KCNMA1: variants seen among roughly 807,000 people sequenced by gnomAD.
The protein encoded by KCNMA1 is potassium calcium-activated channel subfamily M alpha 1.
In KCNMA1, 29 loss-of-function variants were observed where a neutral mutation model predicts 140.0. The observed-to-expected ratio is 0.21, with a 90% CI of 0.15 to 0.28. The LOEUF is 0.28. Ranked by LOEUF, KCNMA1 falls within the 10% of genes least tolerant of loss-of-function variation. KCNMA1 has a pLI of 1.00. For synonymous variants in KCNMA1, 612 were observed against 611.9 expected (o/e 1.00, Z 0.00); for missense variants, 880 against 1,602.2 (o/e 0.55, Z 7.70).
At chr10:77,086,938 T>A (rs2096706745) in intron 10 of KCNMA1, among the ~76,000 whole-genome samples, 1 of 152,228 alleles carries the variant, frequency 6.6e-6, no homozygotes, top group South Asian at 2.1e-4. Flanking sequence ...ATGCGGACTG[T>A]GCCAGAGGGT....
chr10:77,152,422 G>A (rs1414249575), intron 5 of KCNMA1, among the ~76,000 whole-genome samples: 1 of 152,038 alleles, frequency 6.6e-6, no homozygotes, highest in East Asian at 1.9e-4. Context: ...GTGATCTCAG[G>A]AAACACCAGT....
intron 9 of KCNMA1, chr10:77,091,213 A>T (rs879812167): frequency 6.5e-6 from 1 of 153,130 alleles, no homozygotes; most frequent in Non-Finnish European, 1.5e-5. Context: ...CTGCTTCCTT[A>T]GGGTGCCCGG....
At chr10:77,525,098 T>C (rs906484086) in intron 1 of KCNMA1, among the ~76,000 whole-genome samples, 2 of 152,220 alleles carry the variant, frequency 1.3e-5, no homozygotes, top group African/African-American at 4.8e-5. Context: ...ATATCTACCA[T>C]GACTTAATTT....
chr10:77,237,012 A>T (rs2055738972), intron 3 of KCNMA1, among the ~76,000 whole-genome samples: 1 of 152,226 alleles, frequency 6.6e-6, no homozygotes, highest in Non-Finnish European at 1.5e-5. Context: ...TGCAGTTTTC[A>T]GAAGCACAGG....
Position 77,379,580 on chromosome 10 carries a change from G to C in KCNMA1, c.540+24282C>G, listed in dbSNP as rs1331247263. Among the ~76,000 whole-genome samples, 4 of 151,024 alleles carry C rather than the reference G, an allele frequency of 2.6e-5. No individual in the cohort carries two copies. The Admixed American group carries it at 2.7e-4, about 10-fold the overall frequency. On this transcript the variant is annotated intron_variant, in intron 2 of 27. Coordinates refer to ENST00000286628, the MANE Select transcript of KCNMA1 (RefSeq NM_001161352.2). ...AAATCAGACATATGTAGGCAGAAAA[G>C]AAAACAATCAAACAAACAACAATAA...
chr10:77,547,417 C>T (rs539259466), intron 1 of KCNMA1, among the ~76,000 whole-genome samples: 24 of 152,270 alleles, frequency 1.6e-4, no homozygotes, highest in African/African-American at 5.5e-4. Context: ...AGACAGCCCT[C>T]GCCTTTCATT....
At chr10:77,497,733 A>G (rs1019204314) in intron 1 of KCNMA1, among the ~76,000 whole-genome samples, 4 of 152,226 alleles carry the variant, frequency 2.6e-5, no homozygotes, top group African/African-American at 9.6e-5. Flanking sequence ...TATCAAATCC[A>G]GTGCTCCCAG....
intron 14 of KCNMA1, among the ~76,000 whole-genome samples, chr10:77,047,948 T>C (rs2153614670): frequency 6.6e-6 from 1 of 152,174 alleles, no homozygotes; most frequent in South Asian, 2.1e-4. Context: ...GACCAGGGTT[T>C]AGCTTTTATT....
chr10:77,544,917 T>A (rs1341437971), intron 1 of KCNMA1, among the ~76,000 whole-genome samples: 3 of 152,192 alleles, frequency 2.0e-5, no homozygotes, highest in African/African-American at 7.2e-5. Flanking sequence ...TCCCCTTCCA[T>A]AAGCATTGTC....
At chr10:77,477,742 G>A (rs1451131101) in intron 1 of KCNMA1, among the ~76,000 whole-genome samples, 1 of 152,218 alleles carries the variant, frequency 6.6e-6, no homozygotes, top group Non-Finnish European at 1.5e-5. Flanking sequence ...GGTGAGCTGA[G>A]TATTGGTCAA....
intron 5 of KCNMA1, among the ~76,000 whole-genome samples, chr10:77,148,715 G>A (rs1349390987): frequency 2.6e-5 from 4 of 152,134 alleles, no homozygotes; most frequent in Admixed American, 6.5e-5. Flanking sequence ...TGCTCAATGC[G>A]GCCATTGGAG....
chr10:77,346,513 T>C (rs2092164472), intron 2 of KCNMA1, among the ~76,000 whole-genome samples: 1 of 152,152 alleles, frequency 6.6e-6, no homozygotes, highest in African/African-American at 2.4e-5. Flanking sequence ...ATATGGAAAA[T>C]TCAGATTAGA....
chr10:77,271,256 T>A (rs1158061612), intron 2 of KCNMA1, among the ~76,000 whole-genome samples: 1 of 152,228 alleles, frequency 6.6e-6, no homozygotes, highest in East Asian at 1.9e-4. Flanking sequence ...AATGGGCACA[T>A]GTTGCAAGTG....
intron 1 of KCNMA1, among the ~76,000 whole-genome samples, chr10:77,469,635 A>G (rs1346408593): frequency 1.3e-5 from 2 of 152,178 alleles, no homozygotes; most frequent in African/African-American, 4.8e-5. Context: ...CCACAAGCCC[A>G]GAAGTGTGGC....
chr10:77,439,140 GAGAAGAGAAA>G (rs1363296324), intron 1 of KCNMA1, among the ~76,000 whole-genome samples: 79 of 140,288 alleles, frequency 5.6e-4, no homozygotes, highest in African/African-American at 2.0e-3. Flanking sequence ...GAGAAGAGAA[GAGAAGAGAAA>G]AGAGAAGAGA....
chr10:77,504,653 A>G (rs557280015), intron 1 of KCNMA1, among the ~76,000 whole-genome samples: 1 of 152,212 alleles, frequency 6.6e-6, no homozygotes, highest in African/African-American at 2.4e-5. Context: ...GCAGTAGTGC[A>G]ATCATAGCTC....
At chr10:77,560,608 G>A (rs1293287605) in intron 1 of KCNMA1, among the ~76,000 whole-genome samples, 3 of 152,164 alleles carry the variant, frequency 2.0e-5, no homozygotes, top group East Asian at 1.9e-4. Flanking sequence ...GGGATTCTGG[G>A]ATGCTAAGTA....
At chr10:77,211,692 C>T (rs555708930) in intron 3 of KCNMA1, among the ~76,000 whole-genome samples, 32 of 152,054 alleles carry the variant, frequency 2.1e-4, no homozygotes, top group South Asian at 2.1e-3. Flanking sequence ...AGAAAATATT[C>T]GCAAACTATG....
At chr10:77,284,475 A>G (rs902632522) in intron 2 of KCNMA1, among the ~76,000 whole-genome samples, 1 of 152,198 alleles carries the variant, frequency 6.6e-6, no homozygotes, top group African/African-American at 2.4e-5. Context: ...CCCTGGTTTT[A>G]TAATCCCTCT....
Sources: gnomAD v4.1 joint callset for allele counts (sites outside exome capture counted in the v4.1 genomes callset) on GRCh38, gnomAD v4.1.1 for gene constraint, MANE v1.5 for transcripts, NCBI Gene and HGNC (gene_info 2026-07-23, HGNC 2026-07-21) for gene names.